The following ITPK1 variants were observed in gnomAD, a reference collection of about 807,000 sequenced individuals.
ITPK1 encodes inositol 1,3,4-trisphosphate 5/6-kinase.
ITPK1 carries 21 observed loss-of-function variants against 45.3 expected under a neutral mutation model. The observed-to-expected ratio is 0.46, with a 90% CI of 0.33 to 0.67. ITPK1 has a LOEUF of 0.67. Ranked by LOEUF, ITPK1 falls within the 30% of genes least tolerant of loss-of-function variation. The pLI is 0.02. For missense variants in ITPK1, 474 were observed against 573.5 expected (o/e 0.83, Z 1.77); for synonymous variants, 258 against 253.6 (o/e 1.02, Z -0.16).
At chr14:93,097,579 G>A (rs781441995) in intron 2 of ITPK1, among the ~76,000 whole-genome samples, 3 of 152,216 alleles carry the variant, frequency 2.0e-5, no homozygotes, top group Non-Finnish European at 4.4e-5. Context: ...CTTAAAGCCA[G>A]TAGTTTTTAG....
At position 92,941,659 on chromosome 14, in the gene ITPK1, T is replaced by C; in HGVS notation, c.1147A>G (p.Lys383Glu). The C allele has an allele frequency of 6.5e-7, 1 of 1,540,496 alleles. No homozygotes were observed. The highest frequency in any genetic ancestry group is 8.7e-7 in the Non-Finnish European group (1 of 1,145,350). Reference sequence around the variant, plus strand: ...CAGCCGAGTCTCTGGTGCGGCAGCTTGGCGGTGCCGCCCGCGTCGGCCTCA... The same window carrying C: ...CAGCCGAGTCTCTGGTGCGGCAGCTCGGCGGTGCCGCCCGCGTCGGCCTCA... Reference protein sequence around the residue: ...KAEADAGGTAKLPHQRLGCNA... With the variant: ...KAEADAGGTAELPHQRLGCNA... The change falls in exon 11 of 11, where the codon AAG becomes GAG. Residue 383 changes from lysine to glutamate, a missense_variant. Transcript: ENST00000267615.
chr14:92,960,250 G>A (rs535386070), intron 7 of ITPK1, among the ~76,000 whole-genome samples: 1 of 152,254 alleles, frequency 6.6e-6, no homozygotes, highest in South Asian at 2.1e-4. Context: ...GTGATTTATA[G>A]CTTCCCCTGA....
chr14:92,963,184 C>A (rs1198226457), intron 5 of ITPK1, among the ~76,000 whole-genome samples: 2 of 152,344 alleles, frequency 1.3e-5, no homozygotes, highest in Non-Finnish European at 1.5e-5. Context: ...TACATTTACA[C>A]GCAGAGAGCT....
intron 2 of ITPK1, among the ~76,000 whole-genome samples, chr14:93,102,523 A>T (rs1229609025): frequency 6.6e-6 from 1 of 152,238 alleles, no homozygotes; most frequent in Non-Finnish European, 1.5e-5. Flanking sequence ...CTGTAATCCC[A>T]ACTCTTTGGG....
At chr14:92,966,238 C>T (rs911273289) in intron 5 of ITPK1, among the ~76,000 whole-genome samples, 1 of 152,118 alleles carries the variant, frequency 6.6e-6, no homozygotes, top group South Asian at 2.1e-4. Context: ...GTGATTGTCC[C>T]GCCTCAGCCT....
chr14:93,050,731 C>A (rs1278541754), intron 3 of ITPK1, among the ~76,000 whole-genome samples: 5 of 151,866 alleles, frequency 3.3e-5, no homozygotes. Context: ...TGGTTAGAGA[C>A]CCAGGGAGCC....
intron 3 of ITPK1, among the ~76,000 whole-genome samples, chr14:93,031,139 A>G (rs2139889702): frequency 6.6e-6 from 1 of 152,278 alleles, no homozygotes; most frequent in South Asian, 2.1e-4. Context: ...GCACTGGCAA[A>G]TGAATCCAAG....
At chr14:93,010,400 C>T (rs985089624) in intron 4 of ITPK1, among the ~76,000 whole-genome samples, 2 of 152,222 alleles carry the variant, frequency 1.3e-5, no homozygotes, top group Admixed American at 1.3e-4. Context: ...ACGTGAACCG[C>T]GGCCTTGGGT....
intron 1 of ITPK1, among the ~76,000 whole-genome samples, 162 bp downstream of exon 1, chr14:93,115,609 AC>A (rs1451872303): frequency 2.2e-5 from 3 of 139,436 alleles, no homozygotes; most frequent in Non-Finnish European, 4.7e-5. Flanking sequence ...CCCGAGCCAC[AC>A]GCCCTCAGGC....
At chr14:93,049,503 G>C (rs1016101389) in intron 3 of ITPK1, among the ~76,000 whole-genome samples, 2 of 152,198 alleles carry the variant, frequency 1.3e-5, no homozygotes, top group African/African-American at 2.4e-5. Flanking sequence ...CTGCCTGGCT[G>C]GCAGGACCAA....
At chr14:92,996,651 G>GCAGA (rs1428499796) in intron 4 of ITPK1, among the ~76,000 whole-genome samples, 1 of 152,062 alleles carries the variant, frequency 6.6e-6, no homozygotes, top group Non-Finnish European at 1.5e-5. Flanking sequence ...GTGGGGTGCA[G>GCAGA]CAGATACTCA....
At chr14:93,094,444 C>T (rs1891986191) in intron 2 of ITPK1, among the ~76,000 whole-genome samples, 1 of 152,218 alleles carries the variant, frequency 6.6e-6, no homozygotes, top group Non-Finnish European at 1.5e-5. Flanking sequence ...ACCCATACAG[C>T]TAAGTCACCA....
chr14:93,005,268 T>A (rs936233205), intron 4 of ITPK1, among the ~76,000 whole-genome samples: 1 of 152,160 alleles, frequency 6.6e-6, no homozygotes, highest in Non-Finnish European at 1.5e-5. Flanking sequence ...CTCTGTGATT[T>A]GGTAGAGCTG....
At chr14:93,008,772 C>T (rs1248873702) in intron 4 of ITPK1, among the ~76,000 whole-genome samples, 1 of 152,222 alleles carries the variant, frequency 6.6e-6, no homozygotes, top group African/African-American at 2.4e-5. Context: ...GGAAGTCATG[C>T]CACTCACACA....
intron 2 of ITPK1, among the ~76,000 whole-genome samples, chr14:93,096,759 T>C (rs1202254563): frequency 2.0e-5 from 3 of 152,172 alleles, no homozygotes; most frequent in East Asian, 1.9e-4. Context: ...TTCTAGAATG[T>C]AGGGGCTCCA....
intron 2 of ITPK1, among the ~76,000 whole-genome samples, chr14:93,102,506 C>T (rs1892361748): frequency 6.6e-6 from 1 of 152,216 alleles, no homozygotes; most frequent in Non-Finnish European, 1.5e-5. Context: ...GGCGTGGTGG[C>T]TCACACCTGT....
At chr14:92,987,935 G>A (rs1209156016) in intron 5 of ITPK1, among the ~76,000 whole-genome samples, 1 of 152,226 alleles carries the variant, frequency 6.6e-6, no homozygotes, top group African/African-American at 2.4e-5. Flanking sequence ...GCCGCCTCAT[G>A]CCGGCAACGC....
chr14:93,040,892 C>T (rs1473999954), intron 3 of ITPK1, among the ~76,000 whole-genome samples: 1 of 152,176 alleles, frequency 6.6e-6, no homozygotes, highest in Non-Finnish European at 1.5e-5. Context: ...TACTTCACCT[C>T]ACCAAGGCCC....
At chr14:93,007,811 A>G (rs1298413025) in intron 4 of ITPK1, among the ~76,000 whole-genome samples, 2 of 152,202 alleles carry the variant, frequency 1.3e-5, no homozygotes, top group African/African-American at 4.8e-5. Context: ...CTGCCGCCCC[A>G]GGAGCTCCTC....
Sources: allele counts gnomAD v4.1 joint callset (sites outside exome capture counted in the v4.1 genomes callset), GRCh38; gene constraint gnomAD v4.1.1; transcripts MANE v1.5; gene names NCBI Gene and HGNC (gene_info 2026-07-23, HGNC 2026-07-21).